Variants in LSAMP observed in about 807,000 individuals in gnomAD.
LSAMP encodes limbic system-associated membrane protein.
Under a neutral mutation model 38.6 loss-of-function variants are expected in LSAMP, and 7 were observed. That is an observed-to-expected ratio of 0.18 (90% CI 0.10 to 0.34). The LOEUF (loss-of-function observed/expected upper bound fraction) is 0.34. Among genes scored for constraint, LSAMP ranks in the 10% least tolerant of loss-of-function variants. The pLI, the probability that LSAMP is intolerant of heterozygous loss-of-function variation, is 1.00. For synonymous variants in LSAMP, 154 were observed against 166.8 expected, an observed-to-expected ratio of 0.92 and a Z score of 0.59; for missense variants, 313 against 420.0, an observed-to-expected ratio of 0.75 and a Z score of 2.23.
intron 1 of LSAMP, among the ~76,000 whole-genome samples, chr3:116,339,705 T>C (rs985179347): frequency 2.6e-5 from 4 of 152,052 alleles, no homozygotes; most frequent in African/African-American, 9.7e-5. Flanking sequence ...TTCAGAGCTT[T>C]GAGCCACCAG....
At chr3:116,123,345 T>C (rs1708927336) in intron 1 of LSAMP, among the ~76,000 whole-genome samples, 1 of 152,220 alleles carries the variant, frequency 6.6e-6, no homozygotes, top group African/African-American at 2.4e-5. Flanking sequence ...TGTTTAGAGA[T>C]ACAGTTTATC....
intron 3 of LSAMP, among the ~76,000 whole-genome samples, chr3:115,938,293 C>T (rs1022264684): frequency 1.3e-5 from 2 of 152,114 alleles, no homozygotes; most frequent in African/African-American, 4.8e-5. Context: ...ATAAATACAT[C>T]ATTGTACACT....
At chr3:116,135,786 G>A (rs886074495) in intron 1 of LSAMP, among the ~76,000 whole-genome samples, 4 of 152,180 alleles carry the variant, frequency 2.6e-5, no homozygotes, top group African/African-American at 7.2e-5. Flanking sequence ...CCGTTGTTTC[G>A]ATTACGAAGT....
rs372452990 is a variant in LSAMP at position 116,282,604 on chromosome 3, A to T, written c.155+162273T>A. 2.0e-5 allele frequency among the ~76,000 whole-genome samples: 3 copies of T among 152,176 alleles called. No individual in the cohort carries two copies. In the East Asian group the frequency reaches 5.8e-4, roughly 29 times the overall value. ...GATGCCTCCAGTCTCTCAATCCCAC[A>T]TTTTCTGACATGTGGATTTTAACTA... is the stretch of plus-strand genomic sequence containing the variant. On this transcript the variant is annotated intron_variant, in intron 1 of 6. Coordinates refer to ENST00000490035, the MANE Select transcript of LSAMP (RefSeq NM_002338.5).
chr3:116,313,946 T>G (rs2047595604), intron 1 of LSAMP, among the ~76,000 whole-genome samples: 1 of 152,184 alleles, frequency 6.6e-6, no homozygotes, highest in African/African-American at 2.4e-5. Context: ...AGAGTGAAAC[T>G]CAGTCTCAAA....
At chr3:116,009,982 T>C (rs1218604109) in intron 3 of LSAMP, among the ~76,000 whole-genome samples, 1 of 152,176 alleles carries the variant, frequency 6.6e-6, no homozygotes, top group Non-Finnish European at 1.5e-5. Context: ...AGTGGTACAA[T>C]CTTGGCTCAC....
chr3:116,212,834 AG>A (rs1440859278), intron 1 of LSAMP, among the ~76,000 whole-genome samples: 1 of 152,190 alleles, frequency 6.6e-6, no homozygotes, highest in East Asian at 1.9e-4. Context: ...GAATGCTACA[AG>A]GGGGATGGGA....
intron 3 of LSAMP, among the ~76,000 whole-genome samples, chr3:115,983,240 G>A (rs556547627): frequency 2.0e-5 from 3 of 152,214 alleles, no homozygotes; most frequent in African/African-American, 4.8e-5. Context: ...TAATGGCCAG[G>A]CATGGTGGCT....
chr3:116,194,316 T>C (rs890963090), intron 1 of LSAMP, among the ~76,000 whole-genome samples: 2 of 152,180 alleles, frequency 1.3e-5, no homozygotes, highest in South Asian at 4.1e-4. Context: ...GCCATAATCC[T>C]TTTCAATTTC....
chr3:115,852,544 C>G lies in LSAMP; in HGVS notation c.588G>C (p.Glu196Asp). The G allele has an allele frequency of 6.2e-7, 1 of 1,614,024 alleles. No individual in the cohort carries two copies. Among genetic ancestry groups the G allele is most frequent in the Non-Finnish European group, 8.5e-7 (1 of 1,179,962 alleles). Residue 196 changes from glutamate to aspartate, a missense_variant, in exon 4 of 7, where the codon GAG becomes GAC. Transcript: ENST00000490035. ...AGGAGACCTCGTTGGCAGCTTTGCA[C>G]TCATATTTGCCTGACTGCTCCCTGG... ...GITREQSGKY[E>D]CKAANEVSSA...
At chr3:116,138,347 A>G (rs917487963) in intron 1 of LSAMP, among the ~76,000 whole-genome samples, 1 of 152,136 alleles carries the variant, frequency 6.6e-6, no homozygotes, top group South Asian at 2.1e-4. Flanking sequence ...CTCTCAGTCA[A>G]TTGTGGATAT....
Position 115,810,281 on chromosome 3 carries a change from G to A in LSAMP, c.*36C>T, listed in dbSNP as rs1241754845. The A allele has an allele frequency of 4.4e-6, 6 of 1,372,274 alleles. No individual in the cohort carries two copies. Among genetic ancestry groups the A allele is most frequent in the Non-Finnish European group, 6.1e-6 (6 of 988,882 alleles). The allele number at this position is 1,372,274 out of a possible 1,614,324, so 85.0% of individuals were successfully genotyped here. ...TCTGTATTCTGTGTGACGCATTTTT[G>A]TGTGTTTTTTAAATTATTTTTAAAT... On this transcript the variant is annotated 3_prime_UTR_variant, in exon 7 of 7. Transcript: ENST00000490035.
intron 1 of LSAMP, among the ~76,000 whole-genome samples, chr3:116,338,361 C>A (rs369576527): frequency 6.6e-6 from 1 of 151,900 alleles, no homozygotes; most frequent in Non-Finnish European, 1.5e-5. Context: ...TACCAAATGC[C>A]CTTTCAGCCT....
At chr3:115,818,790 T>TTATATATATATATATATATACATA in intron 6 of LSAMP, among the ~76,000 whole-genome samples, 1 of 69,788 alleles carries the variant, frequency 1.4e-5, no homozygotes, top group South Asian at 7.6e-4. Flanking sequence ...AGTTGTACTT[T>TTATATATATATATATATATACATA]TATATATATA....
chr3:116,304,640 A>T (rs1050839748), intron 1 of LSAMP, among the ~76,000 whole-genome samples: 36 of 152,138 alleles, frequency 2.4e-4, no homozygotes, highest in African/African-American at 8.7e-4. Context: ...AGTCAGATGT[A>T]TATTTGACTT....
intron 4 of LSAMP, 124 bp from the exon 5 acceptor site, chr3:115,842,702 C>T: frequency 8.2e-7 from 1 of 1,221,274 alleles, no homozygotes. Context: ...CTTAAAGCTC[C>T]ATTTGTATGA....
At chr3:115,876,440 T>C (rs1936182674) in intron 3 of LSAMP, among the ~76,000 whole-genome samples, 1 of 151,942 alleles carries the variant, frequency 6.6e-6, no homozygotes, top group Non-Finnish European at 1.5e-5. Context: ...GAGTGTGTAT[T>C]GGTAGTGTTT....
chr3:115,821,683 G>A (rs1480767197), intron 6 of LSAMP, among the ~76,000 whole-genome samples: 2 of 152,306 alleles, frequency 1.3e-5, no homozygotes, highest in African/African-American at 4.8e-5. Flanking sequence ...AAGAGTGTGT[G>A]TTTGCAGAAG....
intron 6 of LSAMP, among the ~76,000 whole-genome samples, chr3:115,839,262 TTTCCTTCCTTCCTTCCTTCCTTCC>T (rs1192339424): frequency 0.015 from 1,186 of 78,682 alleles, 11 homozygotes; most frequent in Non-Finnish European, 0.021. Flanking sequence ...TCCTTCTTTC[TTTCCTTCCTTCCTTCCTTCCTTCC>T]TTCCTTCCTT....
Sources: gnomAD v4.1 joint callset for allele counts (sites outside exome capture counted in the v4.1 genomes callset) on GRCh38, gnomAD v4.1.1 for gene constraint, MANE v1.5 for transcripts, NCBI Gene and HGNC (gene_info 2026-07-23, HGNC 2026-07-21) for gene names.